The following SLC24A2 variants were observed in gnomAD, a reference collection of about 807,000 sequenced individuals.
The protein encoded by SLC24A2 is solute carrier family 24 member 2.
Under a neutral mutation model 62.0 loss-of-function variants are expected in SLC24A2, and 36 were observed. The observed-to-expected ratio is 0.58, with a 90% CI of 0.44 to 0.77. SLC24A2 has a LOEUF of 0.77. Among genes scored for constraint, SLC24A2 ranks in the 30% least tolerant of loss-of-function variants. SLC24A2 has a pLI of 0.00. For missense variants in SLC24A2, 846 were observed against 817.9 expected (o/e 1.03, Z -0.42); for synonymous variants, 358 against 294.0 (o/e 1.22, Z -2.23).
chr9:20,170,730 T>C, the SLC24A2 span, among the ~76,000 whole-genome samples: 1 of 151,936 alleles, frequency 6.6e-6, no homozygotes, highest in Non-Finnish European at 1.5e-5. Flanking sequence ...TCATTGTATC[T>C]TTCATAAGAA....
intron 8 of SLC24A2, among the ~76,000 whole-genome samples, chr9:19,531,584 G>T (rs1043669161): frequency 6.6e-6 from 1 of 152,050 alleles, no homozygotes; most frequent in Non-Finnish European, 1.5e-5. Context: ...AAAGATGCTG[G>T]ACATTAGCTG....
the SLC24A2 span, among the ~76,000 whole-genome samples, chr9:20,172,045 A>G: frequency 2.0e-5 from 3 of 152,076 alleles, no homozygotes; most frequent in African/African-American, 7.2e-5. Context: ...AAACCTGGAA[A>G]TGAACTCCAA....
At chr9:19,622,430 T>A in intron 2 of SLC24A2, 131 bp from the exon 3 acceptor site, 1 of 909,808 alleles carries the variant, frequency 1.1e-6, no homozygotes, top group Non-Finnish European at 1.7e-6. Flanking sequence ...TGGGATGAGT[T>A]AAGCCAAAAC....
the SLC24A2 span, among the ~76,000 whole-genome samples, chr9:19,954,923 A>C: frequency 3.9e-5 from 6 of 152,286 alleles, no homozygotes; most frequent in Admixed American, 3.9e-4. Context: ...GGAACTTAAA[A>C]TTATGTATGT....
chr9:19,582,365 T>C (rs1313467517), intron 5 of SLC24A2, among the ~76,000 whole-genome samples: 1 of 152,144 alleles, frequency 6.6e-6, no homozygotes, highest in Non-Finnish European at 1.5e-5. Context: ...AAGTCTATAA[T>C]AGGCAGGGTT....
At chr9:20,135,812 G>A in the SLC24A2 span, among the ~76,000 whole-genome samples, 408 of 152,062 alleles carry the variant, frequency 2.7e-3, 1 homozygote, top group Middle Eastern at 0.02. Flanking sequence ...CATATATTTC[G>A]TGGAGTTGGA....
At chr9:20,138,776 C>G in the SLC24A2 span, among the ~76,000 whole-genome samples, 1 of 152,162 alleles carries the variant, frequency 6.6e-6, no homozygotes, top group South Asian at 2.1e-4. Context: ...GTTAACTCAC[C>G]TCATGCAGAC....
At chr9:19,889,385 AT>A in the SLC24A2 span, among the ~76,000 whole-genome samples, 1 of 151,206 alleles carries the variant, frequency 6.6e-6, no homozygotes, top group African/African-American at 2.4e-5. Context: ...TATTATTATT[AT>A]TATATAGATG....
chr9:20,300,316 A>G, the SLC24A2 span, among the ~76,000 whole-genome samples: 4 of 152,178 alleles, frequency 2.6e-5, no homozygotes, highest in African/African-American at 9.7e-5. Context: ...TATTGGACAG[A>G]CTTTAATTGA....
At chr9:19,982,644 T>C in the SLC24A2 span, among the ~76,000 whole-genome samples, 284 of 152,256 alleles carry the variant, frequency 1.9e-3, no homozygotes, top group Non-Finnish European at 3.5e-3. Flanking sequence ...CAAATGCGTC[T>C]GAAAAATAGA....
chr9:19,642,581 G>A (rs995203212), intron 2 of SLC24A2, among the ~76,000 whole-genome samples: 1 of 151,830 alleles, frequency 6.6e-6, no homozygotes, highest in Non-Finnish European at 1.5e-5. Context: ...ATGCCTACAG[G>A]TCCTGCTTAC....
At chr9:19,778,990 G>C (rs1822928278) in intron 2 of SLC24A2, among the ~76,000 whole-genome samples, 1 of 152,132 alleles carries the variant, frequency 6.6e-6, no homozygotes, top group African/African-American at 2.4e-5. Context: ...AAGACTTGTA[G>C]AAATGAATAA....
the SLC24A2 span, among the ~76,000 whole-genome samples, chr9:19,883,258 G>C: frequency 6.6e-6 from 1 of 152,230 alleles, no homozygotes; most frequent in Non-Finnish European, 1.5e-5. Flanking sequence ...CTATCCCAAT[G>C]GTGACTCATT....
At chr9:19,929,559 T>C in the SLC24A2 span, 1 of 152,202 alleles carries the variant, frequency 6.6e-6, no homozygotes, top group Non-Finnish European at 1.5e-5. Context: ...TAAAAAAGAA[T>C]AGCACATACA....
intron 2 of SLC24A2, among the ~76,000 whole-genome samples, chr9:19,721,485 C>A (rs897433413): frequency 6.6e-6 from 1 of 152,072 alleles, no homozygotes; most frequent in African/African-American, 2.4e-5. Flanking sequence ...TCCAATATAA[C>A]TAAACATTAA....
the SLC24A2 span, among the ~76,000 whole-genome samples, chr9:20,246,864 C>T: frequency 3.3e-5 from 5 of 152,192 alleles, no homozygotes; most frequent in Non-Finnish European, 7.3e-5. Context: ...ACTGAAGCTG[C>T]CACCACCACC....
At chr9:20,104,497 T>C in the SLC24A2 span, among the ~76,000 whole-genome samples, 3 of 152,160 alleles carry the variant, frequency 2.0e-5, no homozygotes, top group African/African-American at 7.2e-5. Flanking sequence ...TAACAGTGGA[T>C]CTCTCAGCAG....
chr9:19,874,677 G>A, the SLC24A2 span, among the ~76,000 whole-genome samples: 1 of 152,158 alleles, frequency 6.6e-6, no homozygotes, highest in African/African-American at 2.4e-5. Flanking sequence ...CTAGATACTT[G>A]AGTTCCCTCA....
the SLC24A2 span, chr9:19,895,760 C>G: frequency 1.9e-6 from 3 of 1,545,236 alleles, no homozygotes; most frequent in African/African-American, 1.4e-5. Context: ...GCGGCCCAGT[C>G]CCACCCTCCA....
Sources: gnomAD v4.1 joint callset for allele counts (sites outside exome capture counted in the v4.1 genomes callset) on GRCh38, gnomAD v4.1.1 for gene constraint, MANE v1.5 for transcripts, NCBI Gene and HGNC (gene_info 2026-07-23, HGNC 2026-07-21) for gene names.